The following SIPA1L3 variants were observed in gnomAD, a reference collection of about 807,000 sequenced individuals.
The protein encoded by SIPA1L3 is signal induced proliferation associated 1 like 3, also known as signal-induced proliferation-associated 1-like protein 3.
A neutral mutation model predicts 150.1 loss-of-function variants in SIPA1L3; 59 were observed. The observed-to-expected ratio is 0.39, with a 90% CI of 0.32 to 0.49. SIPA1L3 has a LOEUF of 0.49. SIPA1L3 is among the 20% of genes least tolerant of loss of function. The probability of loss-of-function intolerance (pLI) is 0.86; values close to 1 mark genes in which losing one functional copy is unlikely to be tolerated. For synonymous variants in SIPA1L3, 1,070 were observed against 1,077.6 expected, an observed-to-expected ratio of 0.99 and a Z score of 0.14; for missense variants, 2,211 against 2,489.5, an observed-to-expected ratio of 0.89 and a Z score of 2.38.
At chr19:38,192,434 C>A in intron 17 of SIPA1L3, 124 bp downstream of exon 17, 1 of 886,240 alleles carries the variant, frequency 1.1e-6, no homozygotes, top group Non-Finnish European at 1.7e-6. Context: ...GTGTCCCCAG[C>A]CTTTGGCATC....
chr19:37,924,545 G>T (rs879767811), intron 1 of SIPA1L3, among the ~76,000 whole-genome samples: 8 of 151,754 alleles, frequency 5.3e-5, no homozygotes, highest in Non-Finnish European at 8.8e-5. Flanking sequence ...GGGCATAGTG[G>T]CAGGCGTCTG....
At chr19:37,965,113 C>T (rs971404509) in intron 1 of SIPA1L3, among the ~76,000 whole-genome samples, 6 of 152,050 alleles carry the variant, frequency 3.9e-5, no homozygotes, top group African/African-American at 1.4e-4. Context: ...TATGGCCATC[C>T]CATGGATAGT....
intron 8 of SIPA1L3, among the ~76,000 whole-genome samples, chr19:38,115,480 C>T (rs1243184029): frequency 6.6e-6 from 1 of 152,204 alleles, no homozygotes; most frequent in Non-Finnish European, 1.5e-5. Flanking sequence ...GAAATGGTTT[C>T]ACCACCAGAT....
At chr19:38,021,651 C>T (rs1968374935) in intron 1 of SIPA1L3, among the ~76,000 whole-genome samples, 1 of 151,846 alleles carries the variant, frequency 6.6e-6, no homozygotes, top group African/African-American at 2.4e-5. Context: ...AAGTGATCTT[C>T]CTGCCTCAGC....
chr19:37,916,493 TAAA>T (rs911159767), intron 1 of SIPA1L3, among the ~76,000 whole-genome samples: 24 of 90,786 alleles, frequency 2.6e-4, no homozygotes, highest in African/African-American at 6.1e-4. Flanking sequence ...ACTCTGTGTC[TAAA>T]AAAAAAAAAA....
chr19:38,193,698 A>G lies in SIPA1L3; in HGVS notation c.4758A>G (p.Ala1586=). The G allele has an allele frequency of 6.4e-7, 1 of 1,572,350 alleles. No homozygotes were observed. Among genetic ancestry groups the G allele is most frequent in the Admixed American group, 1.8e-5 (1 of 56,854 alleles). Residue 1586 remains alanine, a synonymous_variant, in exon 18 of 22, where the codon GCA becomes GCG. Coordinates refer to ENST00000222345, the MANE Select transcript of SIPA1L3 (RefSeq NM_015073.3). ...CCTTCCCGTCCAGCACGCTGCCTGC[A>G]CGCCGCCAGCACCAGCACCCCCACC... ...TCAFPSSTLP[A]RRQHQHPHPP...
intron 4 of SIPA1L3, among the ~76,000 whole-genome samples, chr19:38,097,588 C>G (rs567055235): frequency 1.3e-5 from 2 of 152,166 alleles, no homozygotes; most frequent in Admixed American, 6.5e-5. Context: ...CGGAGTTTCA[C>G]TCTTGTTGCC....
At chr19:37,912,993 C>T (rs566453349) in intron 1 of SIPA1L3, among the ~76,000 whole-genome samples, 2 of 152,252 alleles carry the variant, frequency 1.3e-5, no homozygotes, top group East Asian at 3.9e-4. Context: ...GGTGGAGCAT[C>T]AGTGGGAAAT....
chr19:37,946,582 G>C (rs1320874489), intron 1 of SIPA1L3, among the ~76,000 whole-genome samples: 2 of 151,896 alleles, frequency 1.3e-5, no homozygotes, highest in African/African-American at 4.8e-5. Flanking sequence ...TTTCTCTGGG[G>C]GGTATTTTTA....
rs1162259383 is a variant in SIPA1L3 at position 38,192,374 on chromosome 19, G to A, written c.4596+64G>A. 5.5e-6 allele frequency: 8 copies of A among 1,465,008 alleles called. No homozygotes were observed. In the African/African-American group the frequency reaches 8.6e-5, roughly 16 times the overall value. 90.8% of individuals were successfully genotyped at this position (1,465,008 alleles called of 1,614,324 possible). A position where few individuals can be genotyped will look rare whatever the true frequency, so the allele number is the denominator to read the frequency against. On this transcript the variant is annotated intron_variant, in intron 17 of 21. Coordinates refer to ENST00000222345, the MANE Select transcript of SIPA1L3 (RefSeq NM_015073.3). ...CCCAAGGGGATCCCAGATCTGGGCA[G>A]GCAAGGAGAAGGGCTGTGCTCCCCA...
At position 38,193,650 on chromosome 19, in the gene SIPA1L3, C is replaced by A. The variant is rs111523350; in HGVS notation, c.4710C>A (p.Asp1570Glu). The A allele has an allele frequency of 2.5e-6, 4 of 1,579,816 alleles. No homozygotes were observed. The highest frequency in any genetic ancestry group is 3.4e-6 in the Non-Finnish European group (4 of 1,170,910). Residue 1570 changes from aspartate to glutamate, a missense_variant, in exon 18 of 22, where the codon GAC becomes GAA. By Grantham distance (45) the Asp-to-Glu change is conservative. Transcript: ENST00000222345. ...PAGLEPGLPS[D>E]VLFTSTCAFP... ...GCCTAGAGCCAGGGCTGCCCAGCGA[C>A]GTGCTCTTCACCAGCACCTGCGCCT...
intron 1 of SIPA1L3, among the ~76,000 whole-genome samples, chr19:37,948,704 A>G (rs2046735187): frequency 6.6e-6 from 1 of 152,170 alleles, no homozygotes; most frequent in Admixed American, 6.5e-5. Context: ...TGGAGCTGAC[A>G]TTCTAGAAGG....
chr19:38,031,016 A>G (rs1010605150), intron 2 of SIPA1L3, among the ~76,000 whole-genome samples: 1 of 152,164 alleles, frequency 6.6e-6, no homozygotes, highest in Non-Finnish European at 1.5e-5. Context: ...AGTGGGTCTC[A>G]TCACATTCCC....
intron 13 of SIPA1L3, among the ~76,000 whole-genome samples, chr19:38,156,785 T>C (rs1384195352): frequency 1.3e-5 from 2 of 151,978 alleles, no homozygotes; most frequent in Non-Finnish European, 2.9e-5. Flanking sequence ...AGATCACGCA[T>C]TGCACTCCTG....
chr19:37,942,748 A>G (rs1401169297), intron 1 of SIPA1L3, among the ~76,000 whole-genome samples: 4 of 152,168 alleles, frequency 2.6e-5, no homozygotes, highest in African/African-American at 9.6e-5. Context: ...GGGTGGCCCA[A>G]CAGAACTTGT....
chr19:38,111,304 T>G (rs1190147545), intron 8 of SIPA1L3, among the ~76,000 whole-genome samples: 3 of 152,118 alleles, frequency 2.0e-5, no homozygotes, highest in Admixed American at 6.5e-5. Flanking sequence ...AGTGCTGGGA[T>G]TGTAAGTGTG....
At chr19:38,152,766 T>C in intron 12 of SIPA1L3, 74 bp from the exon 13 acceptor site, 1 of 1,496,194 alleles carries the variant, frequency 6.7e-7, no homozygotes, top group Non-Finnish European at 9.0e-7. Context: ...CGAGCAAGGC[T>C]CAGGCTCAGG....
At chr19:37,986,193 G>A (rs1967345636) in intron 1 of SIPA1L3, among the ~76,000 whole-genome samples, 1 of 152,202 alleles carries the variant, frequency 6.6e-6, no homozygotes, top group Non-Finnish European at 1.5e-5. Flanking sequence ...CAGATTCAGG[G>A]CTTAAACTCC....
chr19:38,048,207 G>C (rs1468069649), intron 2 of SIPA1L3, among the ~76,000 whole-genome samples: 1 of 152,100 alleles, frequency 6.6e-6, no homozygotes, highest in African/African-American at 2.4e-5. Flanking sequence ...CTTTTTAGTT[G>C]CAAGTAACAA....
Sources: allele counts gnomAD v4.1 joint callset (sites outside exome capture counted in the v4.1 genomes callset), GRCh38; gene constraint gnomAD v4.1.1; transcripts MANE v1.5; gene names NCBI Gene and HGNC (gene_info 2026-07-23, HGNC 2026-07-21).